Variants in PCDH11Y observed in about 807,000 individuals in gnomAD.
PCDH11Y encodes the protein protocadherin-11 Y-linked.
For missense variants in PCDH11Y, 12 were observed against 224.8 expected, an observed-to-expected ratio of 0.05 and a Z score of 6.05; for synonymous variants, 9 against 83.6, an observed-to-expected ratio of 0.11 and a Z score of 4.87.
intron 3 of PCDH11Y, among the ~76,000 whole-genome samples, chrY:5,505,343 A>G: frequency 3.1e-5 from 1 of 32,714 alleles, no homozygotes; most frequent in African/African-American, 1.2e-4. Context: ...AAGTTATGTC[A>G]TCTGTATTTT....
intron 2 of PCDH11Y, among the ~76,000 whole-genome samples, chrY:5,412,694 G>A: frequency 3.0e-5 from 1 of 32,963 alleles, no homozygotes; most frequent in African/African-American, 1.2e-4. Flanking sequence ...ATACAAATGA[G>A]AATTTTATTT....
At chrY:5,326,322 G>A in intron 2 of PCDH11Y, among the ~76,000 whole-genome samples, 1 of 32,371 alleles carries the variant, frequency 3.1e-5, no homozygotes, top group African/African-American at 1.2e-4. Flanking sequence ...CTGGGTGGGG[G>A]CAAATCCTCG....
chrY:5,318,995 T>C, intron 2 of PCDH11Y, among the ~76,000 whole-genome samples: 1 of 32,812 alleles, frequency 3.0e-5, no homozygotes, highest in Non-Finnish European at 7.5e-5. Context: ...AGTATTCTTA[T>C]GCCCTATGAT....
intron 3 of PCDH11Y, among the ~76,000 whole-genome samples, chrY:5,526,435 AT>A (rs2053387933): frequency 6.9e-5 from 1 of 14,574 alleles, no homozygotes; most frequent in African/African-American, 2.5e-4. Context: ...GAAACCTTCT[AT>A]TGACGAGTTT....
At chrY:5,108,626 A>C, downstream of PCDH11Y, among the ~76,000 whole-genome samples, 1 of 29,772 alleles carries the variant, frequency 3.4e-5, no homozygotes, top group Non-Finnish European at 8.0e-5. Flanking sequence ...GGGCGCCTGT[A>C]GTCCCAGCTA....
At chrY:5,309,580 G>A in intron 2 of PCDH11Y, among the ~76,000 whole-genome samples, 10 of 32,839 alleles carry the variant, frequency 3.0e-4, no homozygotes, top group Admixed American at 2.8e-3. Flanking sequence ...TGAATGAGGC[G>A]GCACTCAGAA....
intron 1 of PCDH11Y, among the ~76,000 whole-genome samples, chrY:5,083,871 GATTTT>G (rs2052725424): frequency 2.7e-4 from 8 of 29,486 alleles, no homozygotes; most frequent in African/African-American, 1.1e-3. Flanking sequence ...TTTCATTTCT[GATTTT>G]ATTTATTTAT....
At chrY:5,732,828 A>G (rs2053606183) in intron 4 of PCDH11Y, among the ~76,000 whole-genome samples, 1 of 33,503 alleles carries the variant, frequency 3.0e-5, no homozygotes, top group Non-Finnish European at 7.4e-5. Context: ...AATATTGCTC[A>G]AAAACATTGC....
intron 4 of PCDH11Y, among the ~76,000 whole-genome samples, chrY:5,644,489 A>G: frequency 6.0e-5 from 2 of 33,182 alleles, no homozygotes. Flanking sequence ...AAATAATTCA[A>G]TGTTTTTGCA....
intron 4 of PCDH11Y, among the ~76,000 whole-genome samples, chrY:5,704,003 C>A: frequency 1.3e-4 from 4 of 31,896 alleles, no homozygotes; most frequent in Admixed American, 1.1e-3. Flanking sequence ...CGTGTGCCAT[C>A]ATGCCCAGCT....
At chrY:5,223,254 T>A in intron 2 of PCDH11Y, among the ~76,000 whole-genome samples, 1 of 33,022 alleles carries the variant, frequency 3.0e-5, no homozygotes, top group East Asian at 8.0e-4. Flanking sequence ...GAACATTATA[T>A]TTATACATTT....
At chrY:5,386,432 A>G in intron 2 of PCDH11Y, among the ~76,000 whole-genome samples, 1 of 32,671 alleles carries the variant, frequency 3.1e-5, no homozygotes, top group African/African-American at 1.2e-4. Flanking sequence ...TTCCTCAATT[A>G]GTCCCCCAAA....
At chrY:5,129,541 A>T in intron 2 of PCDH11Y, among the ~76,000 whole-genome samples, 1 of 31,636 alleles carries the variant, frequency 3.2e-5, no homozygotes, top group African/African-American at 1.3e-4. Context: ...ATAGACAAAT[A>T]TAAATATTTA....
At chrY:5,641,761 G>T in intron 4 of PCDH11Y, among the ~76,000 whole-genome samples, 1 of 32,695 alleles carries the variant, frequency 3.1e-5, no homozygotes, top group African/African-American at 1.2e-4. Flanking sequence ...AAACGGCATG[G>T]ATAGACTTGT....
intron 2 of PCDH11Y, among the ~76,000 whole-genome samples, chrY:5,219,399 A>G: frequency 6.1e-5 from 2 of 32,769 alleles, no homozygotes; most frequent in African/African-American, 2.4e-4. Flanking sequence ...GTTTTTTATA[A>G]TAGCCAATCT....
chrY:5,094,307 TTCTTTATTCCTGAAGGAGATTGAACAGA>T, intron 1 of PCDH11Y, among the ~76,000 whole-genome samples: 2 of 31,824 alleles, frequency 6.3e-5, no homozygotes, highest in African/African-American at 2.4e-4. Context: ...GTGTTAGTTA[TTCTTTATTCCTGAAGGAGATTGAACAGA>T]AAACAGTCTT....
chrY:5,580,863 A>G, intron 3 of PCDH11Y, among the ~76,000 whole-genome samples: 1 of 32,486 alleles, frequency 3.1e-5, no homozygotes, highest in Non-Finnish European at 7.6e-5. Context: ...ATAGATTTTT[A>G]ACAAATTCAA....
intron 4 of PCDH11Y, among the ~76,000 whole-genome samples, chrY:5,630,386 G>A (rs2124703631): frequency 3.0e-5 from 1 of 33,521 alleles, no homozygotes; most frequent in South Asian, 6.5e-4. Flanking sequence ...TGCGGCAGCT[G>A]TGTAATTTTA....
intron 2 of PCDH11Y, among the ~76,000 whole-genome samples, chrY:5,489,626 A>G: frequency 3.1e-5 from 1 of 32,660 alleles, no homozygotes; most frequent in African/African-American, 1.2e-4. Context: ...TTCTCTGATC[A>G]ATACAATGTA....
Sources: gnomAD v4.1 joint callset for allele counts (sites outside exome capture counted in the v4.1 genomes callset) on GRCh38, gnomAD v4.1.1 for gene constraint, MANE v1.5 for transcripts, NCBI Gene and HGNC (gene_info 2026-07-23, HGNC 2026-07-21) for gene names.